SHANK2: variants seen among roughly 807,000 people sequenced by gnomAD.
The protein encoded by SHANK2 is SH3 and multiple ankyrin repeat domains protein 2.
In SHANK2, 43 loss-of-function variants were observed where a neutral mutation model predicts 133.7. That is an observed-to-expected ratio of 0.32 (90% CI 0.25 to 0.41). The LOEUF (loss-of-function observed/expected upper bound fraction) is 0.41. Among genes scored for constraint, SHANK2 ranks in the 10% least tolerant of loss-of-function variants. The pLI is 1.00. For synonymous variants in SHANK2, 1,017 were observed against 952.8 expected, an observed-to-expected ratio of 1.07 and a Z score of -1.24; for missense variants, 1,994 against 2,235.8, an observed-to-expected ratio of 0.89 and a Z score of 2.18.
chr11:70,817,951 T>C (rs1473926722), intron 12 of SHANK2, among the ~76,000 whole-genome samples: 22 of 152,214 alleles, frequency 1.4e-4, no homozygotes, highest in African/African-American at 5.3e-4. Flanking sequence ...GCCAGGCTGG[T>C]CTCAAACTCC....
intron 17 of SHANK2, among the ~76,000 whole-genome samples, chr11:70,528,710 C>T (rs139475226): frequency 1.4e-4 from 22 of 151,944 alleles, no homozygotes; most frequent in African/African-American, 4.1e-4. Context: ...CTCGCCGGCT[C>T]CCCAGGGGCA....
At chr11:70,863,321 C>T (rs1949291570) in intron 11 of SHANK2, 1 of 458,152 alleles carries the variant, frequency 2.2e-6, no homozygotes, top group African/African-American at 2.0e-5. Flanking sequence ...GATGGCACAA[C>T]TGCCCAGTGC....
At chr11:70,690,441 G>A (rs1207781194) in intron 15 of SHANK2, among the ~76,000 whole-genome samples, 1 of 140,608 alleles carries the variant, frequency 7.1e-6, no homozygotes, top group Non-Finnish European at 1.5e-5. Flanking sequence ...AGAGGAATTG[G>A]AATACTAACC....
intron 17 of SHANK2, among the ~76,000 whole-genome samples, chr11:70,624,515 A>G (rs1475859629): frequency 6.7e-6 from 1 of 149,614 alleles, no homozygotes. Flanking sequence ...AGATGCTCCC[A>G]TGGCCACAAC....
intron 2 of SHANK2, among the ~76,000 whole-genome samples, chr11:71,185,688 G>T (rs1565501684): frequency 6.6e-6 from 1 of 152,170 alleles, no homozygotes; most frequent in Non-Finnish European, 1.5e-5. Context: ...ACACACACTT[G>T]GGAGAGTACA....
intron 14 of SHANK2, among the ~76,000 whole-genome samples, chr11:70,720,643 C>T (rs189782549): frequency 2.0e-5 from 3 of 152,344 alleles, no homozygotes; most frequent in East Asian, 1.9e-4. Flanking sequence ...TGGCCCAACA[C>T]CAGTCTCTAA....
intron 17 of SHANK2, among the ~76,000 whole-genome samples, chr11:70,600,782 T>A (rs1407819121): frequency 3.9e-5 from 6 of 152,064 alleles, no homozygotes; most frequent in Non-Finnish European, 7.4e-5. Context: ...CACACACACA[T>A]ACACACACAA....
chr11:71,235,991 G>A (rs1403116731), intron 1 of SHANK2, among the ~76,000 whole-genome samples: 1 of 152,240 alleles, frequency 6.6e-6, no homozygotes, highest in Non-Finnish European at 1.5e-5. Context: ...CAGACCAGCA[G>A]GTGCTGGCGG....
chr11:70,599,945 A>G (rs10047472), intron 17 of SHANK2, among the ~76,000 whole-genome samples: 1 of 120,496 alleles, frequency 8.3e-6, no homozygotes. Flanking sequence ...GAAAGAAAGA[A>G]AGAAAGAAAG....
At chr11:70,642,166 G>A (rs1323371556) in intron 17 of SHANK2, among the ~76,000 whole-genome samples, 1 of 152,216 alleles carries the variant, frequency 6.6e-6, no homozygotes, top group Non-Finnish European at 1.5e-5. Flanking sequence ...TCTTTAAAAG[G>A]AAACCAGACA....
At chr11:71,072,074 C>T (rs1447822720) in intron 9 of SHANK2, among the ~76,000 whole-genome samples, 2 of 152,178 alleles carry the variant, frequency 1.3e-5, no homozygotes, top group Admixed American at 6.5e-5. Flanking sequence ...AAAGAAGGCA[C>T]GGACAGAGAA....
chr11:70,724,610 A>G (rs892344224), intron 14 of SHANK2, among the ~76,000 whole-genome samples: 2 of 152,174 alleles, frequency 1.3e-5, no homozygotes, highest in Admixed American at 1.3e-4. Flanking sequence ...AATTTAGAGG[A>G]TGCAAGAGGT....
chr11:70,738,917 C>T (rs1381757581), intron 14 of SHANK2, among the ~76,000 whole-genome samples: 18 of 152,188 alleles, frequency 1.2e-4, no homozygotes, highest in African/African-American at 4.1e-4. Context: ...GAGATCCGGC[C>T]CATGGAGAAA....
chr11:70,615,557 A>G (rs2060727792), intron 17 of SHANK2, among the ~76,000 whole-genome samples: 3 of 152,300 alleles, frequency 2.0e-5, no homozygotes, highest in East Asian at 3.9e-4. Context: ...GAGCACATGC[A>G]GTCAAGACTC....
At chr11:70,889,939 C>T (rs1949814183) in intron 11 of SHANK2, among the ~76,000 whole-genome samples, 1 of 152,138 alleles carries the variant, frequency 6.6e-6, no homozygotes, top group African/African-American at 2.4e-5. Context: ...GCTGCAACAG[C>T]CAGAGAAGCA....
At chr11:71,133,439 G>GGGAA (rs1226139756) in intron 3 of SHANK2, among the ~76,000 whole-genome samples, 1 of 130,828 alleles carries the variant, frequency 7.6e-6, no homozygotes, top group Non-Finnish European at 1.6e-5. Flanking sequence ...GAGGGAGGGA[G>GGGAA]GGACGGACGG....
chr11:71,218,793 G>A (rs1424312680), intron 2 of SHANK2, among the ~76,000 whole-genome samples: 9 of 152,184 alleles, frequency 5.9e-5, no homozygotes, highest in East Asian at 3.8e-4. Flanking sequence ...AGCACTGGGC[G>A]TAACTAACTG....
chr11:70,673,517 G>A (rs1944854360), intron 15 of SHANK2, among the ~76,000 whole-genome samples: 1 of 152,210 alleles, frequency 6.6e-6, no homozygotes, highest in African/African-American at 2.4e-5. Flanking sequence ...CTCTGGTGGG[G>A]GTGGGGAGTA....
intron 17 of SHANK2, among the ~76,000 whole-genome samples, chr11:70,508,683 A>G (rs1279686001): frequency 2.0e-5 from 3 of 152,114 alleles, no homozygotes; most frequent in Non-Finnish European, 2.9e-5. Context: ...GCTCAAGCAC[A>G]AGTTTCAGAC....
Sources: gnomAD v4.1 joint callset for allele counts (sites outside exome capture counted in the v4.1 genomes callset) on GRCh38, gnomAD v4.1.1 for gene constraint, MANE v1.5 for transcripts, NCBI Gene and HGNC (gene_info 2026-07-23, HGNC 2026-07-21) for gene names.